Variants in GPC6 observed in about 807,000 individuals in gnomAD.
The protein encoded by GPC6 is glypican 6.
A neutral mutation model predicts 55.2 loss-of-function variants in GPC6; 14 were observed. That is an observed-to-expected ratio of 0.25 (90% confidence interval 0.17 to 0.40). GPC6 has a LOEUF of 0.40. GPC6 is among the 10% of genes least tolerant of loss of function. The probability of loss-of-function intolerance (pLI) is 1.00; values close to 1 mark genes in which losing one functional copy is unlikely to be tolerated. For missense variants in GPC6, 641 were observed against 708.5 expected, an observed-to-expected ratio of 0.90 and a Z score of 1.08; for synonymous variants, 278 against 259.6, an observed-to-expected ratio of 1.07 and a Z score of -0.68.
chr13:93,453,867 T>C (rs1375279926), intron 1 of GPC6, among the ~76,000 whole-genome samples: 1 of 152,022 alleles, frequency 6.6e-6, no homozygotes, highest in Non-Finnish European at 1.5e-5. Context: ...GAACAAAGCT[T>C]CCACAGTGTG....
chr13:93,452,977 A>G (rs931777427), intron 1 of GPC6, among the ~76,000 whole-genome samples: 32 of 152,338 alleles, frequency 2.1e-4, no homozygotes, highest in Middle Eastern at 3.4e-3. Flanking sequence ...ACCTTTGCAC[A>G]TATGAATTAG....
chr13:93,513,730 A>G (rs1881071879), intron 1 of GPC6, among the ~76,000 whole-genome samples: 1 of 152,192 alleles, frequency 6.6e-6, no homozygotes, highest in Non-Finnish European at 1.5e-5. Context: ...TTGTCTGACT[A>G]AACCTCTACT....
chr13:93,575,621 C>T (rs1033331667), intron 2 of GPC6, among the ~76,000 whole-genome samples: 1 of 152,172 alleles, frequency 6.6e-6, no homozygotes, highest in Non-Finnish European at 1.5e-5. Context: ...TTTCTCATCT[C>T]TATCATTTCC....
At chr13:93,579,346 C>T (rs1320878295) in intron 2 of GPC6, among the ~76,000 whole-genome samples, 2 of 150,686 alleles carry the variant, frequency 1.3e-5, no homozygotes, top group African/African-American at 2.4e-5. Flanking sequence ...TTACATGTAC[C>T]CTGAAAATAT....
chr13:94,028,392 T>G (rs1641408307), intron 4 of GPC6, among the ~76,000 whole-genome samples: 1 of 152,166 alleles, frequency 6.6e-6, no homozygotes, highest in South Asian at 2.1e-4. Context: ...ACAGTCCTGT[T>G]AAAGATTGTG....
intron 1 of GPC6, among the ~76,000 whole-genome samples, chr13:93,408,038 A>G (rs952868504): frequency 6.6e-6 from 1 of 152,154 alleles, no homozygotes; most frequent in East Asian, 1.9e-4. Flanking sequence ...AAGCTACAAT[A>G]CTAAGAGAAA....
chr13:93,251,933 CT>C (rs1876798421), intron 1 of GPC6, among the ~76,000 whole-genome samples: 1 of 152,174 alleles, frequency 6.6e-6, no homozygotes, highest in South Asian at 2.1e-4. Flanking sequence ...GGAAATGGCA[CT>C]GAAACATCTC....
chr13:93,980,498 G>A (rs1385104906), intron 3 of GPC6, among the ~76,000 whole-genome samples: 1 of 152,150 alleles, frequency 6.6e-6, no homozygotes, highest in East Asian at 1.9e-4. Context: ...TGGAAATAGG[G>A]CAGGGCTTAG....
At chr13:93,646,026 C>A (rs1880155751) in intron 2 of GPC6, among the ~76,000 whole-genome samples, 1 of 152,006 alleles carries the variant, frequency 6.6e-6, no homozygotes, top group Non-Finnish European at 1.5e-5. Context: ...AGAAATTTTA[C>A]CATGATTTTT....
intron 2 of GPC6, among the ~76,000 whole-genome samples, chr13:93,719,516 G>A (rs536732979): frequency 1.4e-4 from 22 of 151,730 alleles, no homozygotes; most frequent in Non-Finnish European, 2.2e-4. Context: ...ATATACAATC[G>A]TGCCATCTGC....
At chr13:93,614,027 C>A (rs187600056) in intron 2 of GPC6, among the ~76,000 whole-genome samples, 1 of 152,246 alleles carries the variant, frequency 6.6e-6, no homozygotes, top group African/African-American at 2.4e-5. Flanking sequence ...GGCCAAAAAC[C>A]TCAAATGCTG....
intron 2 of GPC6, among the ~76,000 whole-genome samples, chr13:93,585,759 A>G (rs1452412958): frequency 6.6e-6 from 1 of 152,192 alleles, no homozygotes; most frequent in Non-Finnish European, 1.5e-5. Context: ...CAGGCACTGG[A>G]CATTCAGTGG....
chr13:93,680,595 C>T (rs1027086754), intron 2 of GPC6, among the ~76,000 whole-genome samples: 2 of 152,086 alleles, frequency 1.3e-5, no homozygotes, highest in East Asian at 3.9e-4. Context: ...TAAGCCAAAG[C>T]TATAGAACCA....
intron 3 of GPC6, among the ~76,000 whole-genome samples, chr13:93,994,254 G>C (rs939509818): frequency 6.6e-6 from 1 of 152,044 alleles, no homozygotes; most frequent in Non-Finnish European, 1.5e-5. Flanking sequence ...TTTATTCTTG[G>C]TAAGGTTTAT....
At chr13:93,895,234 GTATATA>G (rs60375718) in intron 3 of GPC6, among the ~76,000 whole-genome samples, 1,955 of 108,008 alleles carry the variant, frequency 0.018, 75 homozygotes, top group African/African-American at 0.024. Context: ...GTGTGTGTGT[GTATATA>G]TATATATATA....
At chr13:93,723,158 C>T (rs1377654294) in intron 2 of GPC6, among the ~76,000 whole-genome samples, 1 of 151,834 alleles carries the variant, frequency 6.6e-6, no homozygotes, top group Non-Finnish European at 1.5e-5. Flanking sequence ...TTTTTAAAAT[C>T]CCCTTGCCTC....
intron 3 of GPC6, among the ~76,000 whole-genome samples, chr13:93,931,124 A>G (rs1198816253): frequency 6.6e-6 from 1 of 152,138 alleles, no homozygotes; most frequent in Admixed American, 6.5e-5. Flanking sequence ...CCCCACCTCT[A>G]ACACTGGGGA....
intron 2 of GPC6, among the ~76,000 whole-genome samples, chr13:93,602,536 T>C (rs1028259287): frequency 6.6e-6 from 1 of 152,160 alleles, no homozygotes; most frequent in Non-Finnish European, 1.5e-5. Flanking sequence ...TGACATCTTA[T>C]GTAAGGGAAA....
At chr13:94,167,655 T>A (rs1888413161) in intron 4 of GPC6, among the ~76,000 whole-genome samples, 1 of 151,874 alleles carries the variant, frequency 6.6e-6, no homozygotes, top group African/African-American at 2.4e-5. Context: ...AGGGAGAGTG[T>A]TCCAGGCAGA....
Sources: gnomAD v4.1 joint callset for allele counts (sites outside exome capture counted in the v4.1 genomes callset) on GRCh38, gnomAD v4.1.1 for gene constraint, MANE v1.5 for transcripts, NCBI Gene and HGNC (gene_info 2026-07-23, HGNC 2026-07-21) for gene names.